The following NEK1 variants were observed in gnomAD, a reference collection of about 807,000 sequenced individuals.
NEK1 encodes the protein NIMA related kinase 1, also known as serine/threonine-protein kinase Nek1.
NEK1 carries 137 observed loss-of-function variants against 182.1 expected under a neutral mutation model. That is an observed-to-expected ratio of 0.75 (90% CI 0.65 to 0.87). The LOEUF (loss-of-function observed/expected upper bound fraction) is 0.87. Among genes scored for constraint, NEK1 ranks in the 40% least tolerant of loss-of-function variants. The pLI, the probability that NEK1 is intolerant of heterozygous loss-of-function variation, is 0.00. For missense variants in NEK1, 1,391 were observed against 1,494.4 expected (o/e 0.93, Z 1.14); for synonymous variants, 513 against 492.2 (o/e 1.04, Z -0.56).
chr4:169,468,141 C>G (rs900685147), intron 26 of NEK1, among the ~76,000 whole-genome samples: 3 of 151,854 alleles, frequency 2.0e-5, no homozygotes, highest in Non-Finnish European at 4.4e-5. Flanking sequence ...AGATGAATCT[C>G]AAAAATCATT....
At chr4:169,514,344 C>T (rs1345955062) in intron 19 of NEK1, among the ~76,000 whole-genome samples, 1 of 152,074 alleles carries the variant, frequency 6.6e-6, no homozygotes, top group African/African-American at 2.4e-5. Flanking sequence ...CTTTTCTGTG[C>T]TGTCTTTGGT....
At chr4:169,567,405 ATT>A (rs541042339) in intron 12 of NEK1, among the ~76,000 whole-genome samples, 1 of 146,760 alleles carries the variant, frequency 6.8e-6, no homozygotes. Context: ...GAAAAAAAAA[ATT>A]TTTTTTTTTT....
At chr4:169,563,292 T>C (rs949433438) in intron 12 of NEK1, among the ~76,000 whole-genome samples, 1 of 151,402 alleles carries the variant, frequency 6.6e-6, no homozygotes, top group Non-Finnish European at 1.5e-5. Context: ...GCCCAGGAGG[T>C]AGAGGCTACC....
At chr4:169,417,940 GAGAGATTC>G (rs1047281073) in intron 31 of NEK1, among the ~76,000 whole-genome samples, 68 of 152,244 alleles carry the variant, frequency 4.5e-4, no homozygotes, top group Admixed American at 3.0e-3. Context: ...AACTAGAAAA[GAGAGATTC>G]ATTAAAATAA....
chr4:169,436,715 G>C (rs1738478800), intron 28 of NEK1, among the ~76,000 whole-genome samples: 1 of 152,224 alleles, frequency 6.6e-6, no homozygotes, highest in Non-Finnish European at 1.5e-5. Context: ...ACTAAATTTA[G>C]GACAGTAGGG....
intron 27 of NEK1, among the ~76,000 whole-genome samples, chr4:169,446,938 A>G (rs1468015922): frequency 1.3e-5 from 2 of 152,228 alleles, no homozygotes; most frequent in African/African-American, 2.4e-5. Context: ...GAATACCTAC[A>G]AGATCTAAAA....
chr4:169,591,873 A>G (rs1374725760), intron 5 of NEK1, among the ~76,000 whole-genome samples: 2 of 152,194 alleles, frequency 1.3e-5, no homozygotes, highest in African/African-American at 4.8e-5. Context: ...TACCTGCAAC[A>G]TAAATGATAG....
intron 23 of NEK1, among the ~76,000 whole-genome samples, chr4:169,487,760 A>C (rs917547779): frequency 6.6e-6 from 1 of 152,224 alleles, no homozygotes; most frequent in Non-Finnish European, 1.5e-5. Context: ...AAATGGCTAA[A>C]CTAATTTACA....
At chr4:169,477,820 G>C (rs1747252274) in intron 24 of NEK1, among the ~76,000 whole-genome samples, 1 of 147,376 alleles carries the variant, frequency 6.8e-6, no homozygotes, top group Non-Finnish European at 1.5e-5. Flanking sequence ...GGAAAAAGTA[G>C]AAATTAGAGG....
rs549030208 is a variant in NEK1, at chr4:169,592,121, C to G, written c.313-1312G>C. ...TATGTCAGAATGTTGGGAAAAGAAG[C>G]CTTTTTGTCACAGGTGTTTGTGAAA... On this transcript the variant is annotated intron_variant, in intron 5 of 35. Transcript: ENST00000507142. Among the ~76,000 whole-genome samples the G allele has an allele frequency of 4.6e-5, 7 of 151,978 alleles. No individual in the cohort carries two copies. The East Asian group carries it at 5.8e-4, about 13-fold the overall frequency.
intron 23 of NEK1, among the ~76,000 whole-genome samples, chr4:169,491,186 A>C (rs928277426): frequency 2.7e-5 from 4 of 149,616 alleles, no homozygotes; most frequent in African/African-American, 9.8e-5. Flanking sequence ...AAGGCACAGA[A>C]GGCTTTTTAA....
intron 30 of NEK1, among the ~76,000 whole-genome samples, chr4:169,425,745 T>C (rs1736278577): frequency 1.3e-5 from 2 of 152,106 alleles, no homozygotes; most frequent in African/African-American, 2.4e-5. Context: ...CTCAAACTTC[T>C]GGCCTCAAGT....
intron 26 of NEK1, among the ~76,000 whole-genome samples, chr4:169,475,570 T>G (rs1350684787): frequency 1.3e-5 from 2 of 151,942 alleles, no homozygotes; most frequent in Non-Finnish European, 2.9e-5. Context: ...GACATCCAAT[T>G]AAAAACAACC....
chr4:169,609,615 A>G (rs542070531), intron 2 of NEK1, among the ~76,000 whole-genome samples: 2 of 150,098 alleles, frequency 1.3e-5, no homozygotes, highest in Non-Finnish European at 2.9e-5. Flanking sequence ...ATACATATGT[A>G]TATATATACA....
At chr4:169,472,417 G>A (rs1315764057) in intron 26 of NEK1, among the ~76,000 whole-genome samples, 2 of 152,112 alleles carry the variant, frequency 1.3e-5, no homozygotes, top group Non-Finnish European at 2.9e-5. Context: ...CGCTTCCCAG[G>A]TGAGGCAACG....
In NEK1 at chr4:169,477,368, TTATA is replaced by T; in HGVS notation, c.2206-20_2206-17del. 1 of 1,553,552 alleles carries T rather than the reference TTATA, an allele frequency of 6.4e-7. No homozygotes were observed. The highest frequency in any genetic ancestry group is 8.7e-7 in the Non-Finnish European group (1 of 1,146,162). On this transcript the variant is annotated splice_polypyrimidine_tract_variant and intron_variant, in intron 25 of 35. Coordinates refer to ENST00000507142, the MANE Select transcript of NEK1 (RefSeq NM_001199397.3). Reference sequence around the variant, plus strand: ...CTCGCTTACTCTGAAAGTCACGACATTATATATTTTAATATGTATATCATTAAGT... The same window carrying T: ...CTCGCTTACTCTGAAAGTCACGACATTATTTTAATATGTATATCATTAAGT...
chr4:169,423,569 A>G (rs770098663), intron 31 of NEK1, among the ~76,000 whole-genome samples: 2 of 152,226 alleles, frequency 1.3e-5, no homozygotes, highest in African/African-American at 2.4e-5. Flanking sequence ...TTTTTAAGTA[A>G]ATAATAATAG....
intron 18 of NEK1, among the ~76,000 whole-genome samples, chr4:169,539,784 A>G (rs912170367): frequency 6.6e-6 from 1 of 152,120 alleles, no homozygotes; most frequent in African/African-American, 2.4e-5. Flanking sequence ...ACCACCTGCA[A>G]GTAGACAAGA....
At chr4:169,420,606 G>A (rs2111283319) in intron 31 of NEK1, among the ~76,000 whole-genome samples, 1 of 152,242 alleles carries the variant, frequency 6.6e-6, no homozygotes, top group Middle Eastern at 3.4e-3. Flanking sequence ...TATGGGGTCT[G>A]TAATTCACTG....
Sources: allele counts gnomAD v4.1 joint callset (sites outside exome capture counted in the v4.1 genomes callset), GRCh38; gene constraint gnomAD v4.1.1; transcripts MANE v1.5; gene names NCBI Gene and HGNC (gene_info 2026-07-23, HGNC 2026-07-21).